The following RMDN2 variants were observed in gnomAD, a reference collection of about 807,000 sequenced individuals.
RMDN2 encodes regulator of microtubule dynamics protein 2.
Under a neutral mutation model 52.8 loss-of-function variants are expected in RMDN2, and 61 were observed. The observed-to-expected ratio is 1.16, with a 90% confidence interval of 0.94 to 1.43. The LOEUF (loss-of-function observed/expected upper bound fraction) is 1.43. Ranked by LOEUF, RMDN2 falls within the 40% of genes most tolerant of loss-of-function variation. The pLI is 0.00. For missense variants in RMDN2, 592 were observed against 475.3 expected, an observed-to-expected ratio of 1.25 and a Z score of -2.28; for synonymous variants, 180 against 153.1, an observed-to-expected ratio of 1.18 and a Z score of -1.30.
intron 10 of RMDN2, among the ~76,000 whole-genome samples, chr2:38,055,341 T>G (rs1681818559): frequency 6.6e-6 from 1 of 151,918 alleles, no homozygotes; most frequent in Non-Finnish European, 1.5e-5. Flanking sequence ...GCATGTAGCC[T>G]TTGCAGCCTG....
chr2:37,992,616 G>A (rs1477911496), intron 7 of RMDN2, among the ~76,000 whole-genome samples: 2 of 152,096 alleles, frequency 1.3e-5, no homozygotes, highest in Admixed American at 1.3e-4. Flanking sequence ...TTTTTCTTCA[G>A]CATCTAGCTC....
At position 38,046,923 on chromosome 2, in the gene RMDN2, C is replaced by T. The variant is rs770015027; in HGVS notation, c.1714-20059C>T. Among the ~76,000 whole-genome samples the T allele has an allele frequency of 1.7e-4, 26 of 151,818 alleles. No homozygotes were observed. The Middle Eastern group carries it at 0.014, about 80-fold the overall frequency. Reference sequence around the variant, plus strand: ...GCTTGAACCCAGGAGGCGGAGGTTGCAGAGAGCCGAGATTGCGCCACTGCA... The same window carrying T: ...GCTTGAACCCAGGAGGCGGAGGTTGTAGAGAGCCGAGATTGCGCCACTGCA... On this transcript the variant is annotated intron_variant, in intron 10 of 10. Coordinates refer to the RMDN2 transcript ENST00000234195.
At chr2:38,045,262 A>G (rs1378512482) in intron 10 of RMDN2, among the ~76,000 whole-genome samples, 2 of 152,160 alleles carry the variant, frequency 1.3e-5, no homozygotes, top group Admixed American at 1.3e-4. Flanking sequence ...TTCCCTATAG[A>G]AGAAAATTAG....
At chr2:37,992,946 G>T (rs192054538) in intron 7 of RMDN2, among the ~76,000 whole-genome samples, 5 of 151,620 alleles carry the variant, frequency 3.3e-5, no homozygotes, top group African/African-American at 9.7e-5. Flanking sequence ...ACCAAGTCTC[G>T]CTCTGGCACC....
At chr2:38,050,355 A>T (rs564657119) in intron 10 of RMDN2, among the ~76,000 whole-genome samples, 26 of 151,724 alleles carry the variant, frequency 1.7e-4, no homozygotes, top group Admixed American at 6.6e-4. Flanking sequence ...ATTAAAAAAA[A>T]AAATAAAAAA....
chr2:37,927,493 A>AC (rs1666387727), intron 1 of RMDN2, among the ~76,000 whole-genome samples: 2 of 152,220 alleles, frequency 1.3e-5, no homozygotes, highest in Admixed American at 6.5e-5. Flanking sequence ...CTGTCTCAAG[A>AC]ATAAGTTCTC....
chr2:37,979,911 G>A (rs761381537), intron 4 of RMDN2, among the ~76,000 whole-genome samples: 26 of 151,950 alleles, frequency 1.7e-4, no homozygotes, highest in Non-Finnish European at 3.5e-4. Flanking sequence ...ATTTAAAATT[G>A]CTAATTTCTT....
chr2:37,979,148 A>G (rs542834112), intron 4 of RMDN2, among the ~76,000 whole-genome samples: 1 of 152,336 alleles, frequency 6.6e-6, no homozygotes, highest in East Asian at 1.9e-4. Flanking sequence ...TAAAAGTAAA[A>G]GAATTCCTTT....
intron 8 of RMDN2, among the ~76,000 whole-genome samples, chr2:38,002,220 A>T (rs938693048): frequency 6.6e-6 from 1 of 152,198 alleles, no homozygotes; most frequent in Non-Finnish European, 1.5e-5. Flanking sequence ...TATCTTTAAA[A>T]ATATATATAT....
chr2:38,056,502 G>A (rs558426467), intron 10 of RMDN2, among the ~76,000 whole-genome samples: 1 of 152,288 alleles, frequency 6.6e-6, no homozygotes, highest in Admixed American at 6.5e-5. Flanking sequence ...GTATCTACTA[G>A]TGCTTAACAA....
chr2:38,016,443 C>T (rs1348882540), intron 10 of RMDN2, among the ~76,000 whole-genome samples: 3 of 152,220 alleles, frequency 2.0e-5, no homozygotes, highest in Admixed American at 6.5e-5. Flanking sequence ...AACTCTTTGT[C>T]TGTAGTCAGT....
At chr2:38,010,033 G>A (rs1018746917) in intron 10 of RMDN2, among the ~76,000 whole-genome samples, 7 of 152,158 alleles carry the variant, frequency 4.6e-5, no homozygotes, top group South Asian at 2.1e-4. Context: ...GTGGATATTC[G>A]TGAGCAGCAA....
chr2:37,920,936 G>C (rs139918355), upstream of RMDN2, among the ~76,000 whole-genome samples: 3 of 152,152 alleles, frequency 2.0e-5, no homozygotes, highest in Middle Eastern at 3.2e-3. Flanking sequence ...GAAATACTGC[G>C]GAAAACCACT....
intron 2 of RMDN2, among the ~76,000 whole-genome samples, chr2:37,945,511 G>A (rs74351639): frequency 1.3e-5 from 2 of 152,204 alleles, no homozygotes; most frequent in Admixed American, 6.5e-5. Context: ...TGGGTACCCC[G>A]ATACCTTGGC....
chr2:38,011,371 C>G (rs937792228), intron 10 of RMDN2, among the ~76,000 whole-genome samples: 1 of 152,304 alleles, frequency 6.6e-6, no homozygotes, highest in Non-Finnish European at 1.5e-5. Flanking sequence ...GAGCTGTTGA[C>G]TGGTGTTGTG....
At chr2:37,932,956 G>A (rs866683704) in intron 2 of RMDN2, among the ~76,000 whole-genome samples, 2,291 of 149,948 alleles carry the variant, frequency 0.015, 49 homozygotes, top group African/African-American at 0.053. Context: ...GCTGCCGGGC[G>A]GAGACGCTCC....
intron 5 of RMDN2, among the ~76,000 whole-genome samples, chr2:37,987,795 T>C (rs1448671584): frequency 6.6e-6 from 1 of 152,132 alleles, no homozygotes; most frequent in Non-Finnish European, 1.5e-5. Context: ...ACAGTGGCTC[T>C]TGCCTGTAAT....
At chr2:37,932,923 C>T (rs918192832) in intron 2 of RMDN2, among the ~76,000 whole-genome samples, 3 of 150,964 alleles carry the variant, frequency 2.0e-5, no homozygotes, top group African/African-American at 7.3e-5. Flanking sequence ...GCTGACCCCC[C>T]CACCTCCCTC....
At chr2:37,927,024 ATG>A (rs1324958195) in intron 1 of RMDN2, among the ~76,000 whole-genome samples, 2 of 152,188 alleles carry the variant, frequency 1.3e-5, no homozygotes, top group Non-Finnish European at 2.9e-5. Flanking sequence ...ATTATTTTTA[ATG>A]TGTCATTTTT....
Sources: allele counts gnomAD v4.1 joint callset (sites outside exome capture counted in the v4.1 genomes callset), GRCh38; gene constraint gnomAD v4.1.1; transcripts MANE v1.5; gene names NCBI Gene and HGNC (gene_info 2026-07-23, HGNC 2026-07-21).